Variants in ATRN observed in about 807,000 individuals in gnomAD.
ATRN encodes attractin-2.
ATRN carries 54 observed loss-of-function variants against 178.7 expected under a neutral mutation model. The observed-to-expected ratio is 0.30, with a 90% CI of 0.24 to 0.38. The LOEUF is 0.38. ATRN is among the 10% of genes least tolerant of loss of function. The pLI, the probability that ATRN is intolerant of heterozygous loss-of-function variation, is 1.00. For synonymous variants in ATRN, 636 were observed against 663.0 expected, an observed-to-expected ratio of 0.96 and a Z score of 0.63; for missense variants, 1,443 against 1,815.1, an observed-to-expected ratio of 0.79 and a Z score of 3.73.
chr20:3,492,320 G>A (rs530109096), intron 1 of ATRN, among the ~76,000 whole-genome samples: 1 of 152,076 alleles, frequency 6.6e-6, no homozygotes, highest in East Asian at 1.9e-4. Flanking sequence ...GAGAGGAGAA[G>A]GATTGACATT....
intron 18 of ATRN, 135 bp from the exon 19 acceptor site, chr20:3,591,034 A>C: frequency 1.1e-6 from 1 of 929,184 alleles, no homozygotes; most frequent in Non-Finnish European, 1.5e-6. Context: ...TTCTCAAATT[A>C]GTTTTTAGTG....
chr20:3,644,025 TA>T, intron 27 of ATRN, 128 bp from the exon 28 acceptor site: 1 of 677,066 alleles, frequency 1.5e-6, no homozygotes. Flanking sequence ...TTCATTATCT[TA>T]AAAACTGCAA....
chr20:3,485,411 A>G (rs1286154938), intron 1 of ATRN, among the ~76,000 whole-genome samples: 1 of 152,046 alleles, frequency 6.6e-6, no homozygotes, highest in African/African-American at 2.4e-5. Context: ...AAAGAATCCT[A>G]TGGAATAGTT....
intron 1 of ATRN, among the ~76,000 whole-genome samples, chr20:3,488,379 G>A (rs564771716): frequency 1.8e-4 from 28 of 152,154 alleles, no homozygotes; most frequent in South Asian, 6.2e-4. Context: ...TGTGTGGTGC[G>A]AGGTTAGAGA....
chr20:3,591,298 A>G lies in ATRN; in HGVS notation c.3314A>G (p.Lys1105Arg), dbSNP rs746716905. Reference protein sequence around the residue: ...GFYGDPTNGGKCQPCKCNGHA... With the variant: ...GFYGDPTNGGRCQPCKCNGHA... ...TACGGTGATCCCACCAATGGAGGGA[A>G]ATGTCAGCGTAAGTCAAATTGGTCA... Residue 1105 changes from lysine to arginine, a missense_variant, in exon 19 of 29, where the codon AAA becomes AGA. Physicochemically the swap from Lys to Arg is conservative, Grantham distance 26. Transcript: ENST00000262919. 39 of 1,613,620 alleles carry G rather than the reference A, an allele frequency of 2.4e-5. 1 individual carries two copies.
chr20:3,518,598 C>A, intron 1 of ATRN, among the ~76,000 whole-genome samples: 1 of 152,082 alleles, frequency 6.6e-6, no homozygotes. Flanking sequence ...GTAAGTCTTA[C>A]GGAATGTGAA....
chr20:3,584,679 C>T lies in ATRN; in HGVS notation c.2983C>T (p.His995Tyr). ...ENCSGYCTCSHCLEQPGCGWC... is the reference protein window; with the variant it reads ...ENCSGYCTCSYCLEQPGCGWC... ...TTGTTCAGGCTACTGTACCTGTAGTCATTGCTTGGAGCAACCAGGCTGTGG... is the reference window on the plus strand; with the variant it reads ...TTGTTCAGGCTACTGTACCTGTAGTTATTGCTTGGAGCAACCAGGCTGTGG... The change falls in exon 18 of 29, where the codon CAT becomes TAT. Residue 995 changes from histidine (H) to tyrosine (Y), a missense_variant. His to Tyr is a moderately conservative substitution (Grantham distance 83). This residue lies in a region of ATRN where 212 missense variants were observed against 330.7 expected (regional missense o/e 0.64). Transcript: ENST00000262919. 2 of 1,613,726 alleles carry T rather than the reference C, an allele frequency of 1.2e-6. No individual in the cohort carries two copies. Among genetic ancestry groups the T allele is most frequent in the Non-Finnish European group, 1.7e-6 (2 of 1,179,934 alleles).
rs1188787712 is a variant in ATRN, at chr20:3,481,935, G to T, written c.410+10418G>T. ...TTACTAATAAGCCAGTAAACATTAGGGGCTGGAATTCTGTCAGTTGCTGTT... is the reference window on the plus strand; with the variant it reads ...TTACTAATAAGCCAGTAAACATTAGTGGCTGGAATTCTGTCAGTTGCTGTT... On this transcript the variant is annotated intron_variant, in intron 1 of 28. Transcript: ENST00000262919. Among the ~76,000 whole-genome samples the T allele has an allele frequency of 2.6e-5, 4 of 151,042 alleles. No homozygotes were observed. The East Asian group carries it at 7.7e-4, about 29-fold the overall frequency.
intron 1 of ATRN, among the ~76,000 whole-genome samples, chr20:3,482,147 A>G (rs1204286066): frequency 6.6e-6 from 1 of 152,046 alleles, no homozygotes; most frequent in Non-Finnish European, 1.5e-5. Flanking sequence ...TAAAGATTAT[A>G]ATGTCTATTT....
At chr20:3,487,572 T>C (rs1331594695) in intron 1 of ATRN, among the ~76,000 whole-genome samples, 1 of 152,230 alleles carries the variant, frequency 6.6e-6, no homozygotes, top group Non-Finnish European at 1.5e-5. Flanking sequence ...GTTAGTTTGC[T>C]GATTTTTGTT....
intron 1 of ATRN, among the ~76,000 whole-genome samples, chr20:3,503,236 CA>C (rs1353045922): frequency 6.6e-6 from 1 of 152,148 alleles, no homozygotes; most frequent in Non-Finnish European, 1.5e-5. Context: ...TAAAACTAAA[CA>C]GGGTGGCTAA....
intron 1 of ATRN, among the ~76,000 whole-genome samples, chr20:3,515,996 A>G (rs952794716): frequency 3.3e-5 from 5 of 152,234 alleles, no homozygotes; most frequent in African/African-American, 7.2e-5. Flanking sequence ...ACTGAGTGCC[A>G]TTAGAATGCC....
intron 24 of ATRN, 51 bp from the exon 25 acceptor site, chr20:3,624,460 C>A (rs369793036): frequency 2.8e-6 from 4 of 1,421,626 alleles, no homozygotes; most frequent in Non-Finnish European, 3.0e-6. Context: ...AGCGTGAATC[C>A]GTGGTGGTTT....
intron 1 of ATRN, among the ~76,000 whole-genome samples, chr20:3,529,265 G>A (rs962896545): frequency 6.6e-6 from 1 of 152,188 alleles, no homozygotes; most frequent in African/African-American, 2.4e-5. Context: ...TTGAAAATGT[G>A]ATTGTAAGGT....
At position 3,471,273 on chromosome 20, in the gene ATRN, C is replaced by T. The variant is rs1476601850; in HGVS notation, c.166C>T (p.Pro56Ser). 2.1e-6 allele frequency: 3 copies of T among 1,460,614 alleles called. No homozygotes were observed. The highest frequency in any genetic ancestry group is 2.7e-6 in the Non-Finnish European group (3 of 1,115,636). 90.5% of individuals were successfully genotyped at this position (1,460,614 alleles called of 1,614,324 possible). A position where few individuals can be genotyped will look rare whatever the true frequency, so the allele number is the denominator to read the frequency against. ...GLRLPRLLSP[P>S]LRPRLLLLLL... ...GCGCCTCCCGCGGCTGCTGTCTCCA[C>T]CGCTGCGGCCACGGCTGCTGCTGCT... is the stretch of plus-strand genomic sequence containing the variant. Residue 56 changes from proline to serine, a missense_variant, in exon 1 of 29, where the codon CCG becomes TCG. Physicochemically the swap from Pro to Ser is moderately conservative, Grantham distance 74 (BLOSUM62 -1). Coordinates refer to ENST00000262919, the MANE Select transcript of ATRN (RefSeq NM_139321.3).
At chr20:3,574,972 T>TTG (rs2086184953) in intron 12 of ATRN, among the ~76,000 whole-genome samples, 1 of 151,508 alleles carries the variant, frequency 6.6e-6, no homozygotes, top group African/African-American at 2.4e-5. Flanking sequence ...TCTTTTTTTT[T>TTG]TTTCAGACAG....
intron 15 of ATRN, among the ~76,000 whole-genome samples, chr20:3,581,577 C>G (rs2086282712): frequency 6.6e-6 from 1 of 152,158 alleles, no homozygotes; most frequent in Non-Finnish European, 1.5e-5. Context: ...TTAAGCATCC[C>G]TAATCTGGAA....
rs913245837 is a variant in ATRN at position 3,514,644 on chromosome 20, C to A, written c.411-20609C>A. ...GAATTCAATACGTTAATGATAAAAA[C>A]CTTTAACAAACTAGGAATGGAAAAT... On this transcript the variant is annotated intron_variant, in intron 1 of 28. Transcript: ENST00000262919. Among the ~76,000 whole-genome samples, 19 of 152,142 alleles carry A rather than the reference C, an allele frequency of 1.2e-4. 1 individual carries two copies. The highest frequency in any genetic ancestry group is 2.4e-4 in the Non-Finnish European group (16 of 67,992).
chr20:3,599,717 G>A (rs1376823751), intron 22 of ATRN, among the ~76,000 whole-genome samples: 5 of 152,150 alleles, frequency 3.3e-5, no homozygotes, highest in African/African-American at 1.2e-4. Flanking sequence ...GTGTGGATTT[G>A]GGCATGCTCA....
Sources: allele counts gnomAD v4.1 joint callset (sites outside exome capture counted in the v4.1 genomes callset), GRCh38; gene constraint gnomAD v4.1.1; regional missense constraint gnomAD v4.1.1; transcripts MANE v1.5; gene names NCBI Gene and HGNC (gene_info 2026-07-23, HGNC 2026-07-21).